LYPD6: variants seen among roughly 807,000 people sequenced by gnomAD.
LYPD6 encodes the protein ly6/PLAUR domain-containing protein 6.
A neutral mutation model predicts 22.7 loss-of-function variants in LYPD6; 15 were observed. That is an observed-to-expected ratio of 0.66 (90% CI 0.44 to 1.02). The LOEUF (loss-of-function observed/expected upper bound fraction) is 1.02. Among genes scored for constraint, LYPD6 ranks in the 50% least tolerant of loss-of-function variants. LYPD6 has a pLI of 0.00. For synonymous variants in LYPD6, 72 were observed against 77.5 expected (o/e 0.93, Z 0.37); for missense variants, 189 against 208.4 (o/e 0.91, Z 0.57).
intron 3 of LYPD6, among the ~76,000 whole-genome samples, chr2:149,450,750 A>G (rs1683788201): frequency 6.6e-6 from 1 of 152,222 alleles, no homozygotes; most frequent in Non-Finnish European, 1.5e-5. Flanking sequence ...TGTCTATTGA[A>G]ATTACCTGGT....
intron 1 of LYPD6, among the ~76,000 whole-genome samples, chr2:149,334,208 A>G (rs1680991025): frequency 6.6e-6 from 1 of 152,316 alleles, no homozygotes; most frequent in East Asian, 1.9e-4. Flanking sequence ...GAAGGGCAAC[A>G]GATCCCAGGC....
chr2:149,453,520 T>C (rs1173593881), intron 3 of LYPD6, among the ~76,000 whole-genome samples: 1 of 152,152 alleles, frequency 6.6e-6, no homozygotes, highest in African/African-American at 2.4e-5. Flanking sequence ...AAAAAGAAAA[T>C]TATTGAGTTA....
chr2:149,330,144 T>C (rs899240915), upstream of LYPD6: 1 of 152,128 alleles, frequency 6.6e-6, no homozygotes, highest in South Asian at 2.1e-4. Context: ...CGCACGCAGC[T>C]GCTGGCCCGG....
intron 1 of LYPD6, among the ~76,000 whole-genome samples, chr2:149,373,833 T>TA (rs1236056754): frequency 4.6e-5 from 7 of 152,360 alleles, no homozygotes; most frequent in African/African-American, 1.4e-4. Context: ...TGTATAAGCT[T>TA]AATTCTATTA....
chr2:149,412,482 T>C (rs1352718640), intron 1 of LYPD6, among the ~76,000 whole-genome samples: 5 of 74,760 alleles, frequency 6.7e-5, no homozygotes, highest in African/African-American at 1.7e-4. Context: ...TTTTTGTTAA[T>C]TTTTTTTAAT....
At chr2:149,387,949 T>G (rs1419240485) in intron 1 of LYPD6, among the ~76,000 whole-genome samples, 1 of 152,182 alleles carries the variant, frequency 6.6e-6, no homozygotes, top group African/African-American at 2.4e-5. Flanking sequence ...GACTTCTAAG[T>G]ATTTGGTAGG....
intron 1 of LYPD6, among the ~76,000 whole-genome samples, chr2:149,397,030 A>G (rs1682441880): frequency 6.6e-6 from 1 of 152,202 alleles, no homozygotes; most frequent in Non-Finnish European, 1.5e-5. Context: ...TGTAAATGCT[A>G]TGCAAACAGT....
chr2:149,452,291 G>A lies in LYPD6; in HGVS notation c.217+3144G>A, dbSNP rs578024058. On this transcript the variant is annotated intron_variant, in intron 3 of 4. Coordinates refer to ENST00000334166, the MANE Select transcript of LYPD6 (RefSeq NM_194317.5). ...ACTTAAAGCTGTAAGCTGAGAAGGG[G>A]TGAGGCCACACTCAGCTTCCTGCTT... Among the ~76,000 whole-genome samples the A allele has an allele frequency of 5.8e-4, 88 of 152,296 alleles. No homozygotes were observed. The South Asian group carries it at 8.9e-3, about 15-fold the overall frequency.
chr2:149,434,817 T>C (rs755695155), intron 1 of LYPD6, among the ~76,000 whole-genome samples: 1 of 152,206 alleles, frequency 6.6e-6, no homozygotes, highest in Non-Finnish European at 1.5e-5. Context: ...GGAAGGAGTT[T>C]ACAGTACTCT....
At chr2:149,451,102 C>T (rs1386087478) in intron 3 of LYPD6, among the ~76,000 whole-genome samples, 1 of 152,270 alleles carries the variant, frequency 6.6e-6, no homozygotes, top group Middle Eastern at 3.4e-3. Flanking sequence ...AGTTATTTCT[C>T]GCAGTTCTTG....
chr2:149,457,071 G>A (rs1019005262), intron 3 of LYPD6, among the ~76,000 whole-genome samples: 2 of 152,148 alleles, frequency 1.3e-5, no homozygotes, highest in African/African-American at 4.8e-5. Flanking sequence ...TTCTATGCAC[G>A]TTCTAGGACT....
chr2:149,365,351 C>T (rs935782159), intron 1 of LYPD6, among the ~76,000 whole-genome samples: 3 of 152,190 alleles, frequency 2.0e-5, no homozygotes, highest in Admixed American at 6.5e-5. Context: ...AAATAAGTAG[C>T]TTTTCTCTAA....
chr2:149,442,271 G>A (rs1020221776), intron 2 of LYPD6, among the ~76,000 whole-genome samples: 3 of 152,088 alleles, frequency 2.0e-5, no homozygotes, highest in African/African-American at 7.2e-5. Flanking sequence ...CACGGTTCTG[G>A]TAACTGAAGG....
chr2:149,477,138 G>A (rs1184101034), downstream of LYPD6, among the ~76,000 whole-genome samples: 1 of 152,100 alleles, frequency 6.6e-6, no homozygotes. Flanking sequence ...CATTCAAAGC[G>A]TTGGGCCCAT....
chr2:149,408,421 T>A (rs115599761), intron 1 of LYPD6, among the ~76,000 whole-genome samples: 531 of 152,304 alleles, frequency 3.5e-3, no homozygotes, highest in Non-Finnish European at 5.0e-3. Context: ...TTCCCAGGTG[T>A]TCTTTGAGTT....
intron 1 of LYPD6, among the ~76,000 whole-genome samples, chr2:149,413,902 G>C (rs1441436898): frequency 1.3e-5 from 2 of 152,152 alleles, no homozygotes; most frequent in Admixed American, 6.5e-5. Flanking sequence ...CATACAGCGT[G>C]ATCAATAAGA....
chr2:149,371,320 G>A (rs1681803548), intron 1 of LYPD6, among the ~76,000 whole-genome samples: 1 of 152,194 alleles, frequency 6.6e-6, no homozygotes, highest in African/African-American at 2.4e-5. Flanking sequence ...TTTACCAGAA[G>A]ACCTGGAAGG....
chr2:149,330,963 G>T (rs1035570841), intron 1 of LYPD6, among the ~76,000 whole-genome samples: 4 of 152,222 alleles, frequency 2.6e-5, no homozygotes, highest in Admixed American at 6.5e-5. Context: ...GTACTCGTGT[G>T]TGTTGGGCTG....
intron 1 of LYPD6, among the ~76,000 whole-genome samples, chr2:149,387,133 C>T (rs1682206312): frequency 6.6e-6 from 1 of 152,190 alleles, no homozygotes; most frequent in South Asian, 2.1e-4. Context: ...TTTAGGAAAG[C>T]CAGCCTCTTC....
Sources: gnomAD v4.1 joint callset for allele counts (sites outside exome capture counted in the v4.1 genomes callset) on GRCh38, gnomAD v4.1.1 for gene constraint, MANE v1.5 for transcripts, NCBI Gene and HGNC (gene_info 2026-07-23, HGNC 2026-07-21) for gene names.